The following DLGAP2 variants were observed in gnomAD, a reference collection of about 807,000 sequenced individuals.
The protein encoded by DLGAP2 is disks large-associated protein 2.
In DLGAP2, 26 loss-of-function variants were observed where a neutral mutation model predicts 100.3. The ratio of observed to expected loss-of-function variants is 0.26; its 90% CI spans 0.19 to 0.36. The LOEUF is 0.36. DLGAP2 is among the 10% of genes least tolerant of loss of function. DLGAP2 has a pLI of 1.00. For synonymous variants in DLGAP2, 886 were observed against 630.1 expected, an observed-to-expected ratio of 1.41 and a Z score of -6.08; for missense variants, 1,858 against 1,453.2, an observed-to-expected ratio of 1.28 and a Z score of -4.53.
At position 850,220 on chromosome 8, in the gene DLGAP2, C is replaced by G. The variant is rs1057395076; in HGVS notation, c.19-57692C>G. Among the ~76,000 whole-genome samples, 5 of 152,198 alleles carry G rather than the reference C, an allele frequency of 3.3e-5. No individual in the cohort carries two copies. In the East Asian group the frequency reaches 5.8e-4, roughly 18 times the overall value. ...TCATTTTCTTAACAGTGTGTCAAAA[C>G]AGTGTTTTGAATAATAGAATATTTT... On this transcript the variant is annotated intron_variant, in intron 1 of 14. Transcript: ENST00000637795.
At chr8:1,102,213 TATA>T in intron 2 of DLGAP2, among the ~76,000 whole-genome samples, 2 of 148,122 alleles carry the variant, frequency 1.4e-5, no homozygotes, top group East Asian at 3.9e-4. Context: ...ATTGAATATA[TATA>T]ATGAATATAG....
At chr8:1,244,042 C>G (rs1254693052) in intron 2 of DLGAP2, among the ~76,000 whole-genome samples, 1 of 152,002 alleles carries the variant, frequency 6.6e-6, no homozygotes, top group Non-Finnish European at 1.5e-5. Context: ...AGTGCCAGCT[C>G]CCAGCCTCCG....
At chr8:744,541 G>A (rs984442970) in intron 1 of DLGAP2, among the ~76,000 whole-genome samples, 1 of 151,142 alleles carries the variant, frequency 6.6e-6, no homozygotes, top group Non-Finnish European at 1.5e-5. Context: ...GTCACTCCCT[G>A]CCTCTTCTCC....
In DLGAP2 at chr8:1,703,684, A is replaced by T. The variant is rs1283056808; in HGVS notation, c.*2278A>T. The T allele has an allele frequency of 6.6e-6, 1 of 152,238 alleles. No homozygotes were observed. Among genetic ancestry groups the T allele is most frequent in the Admixed American group, 6.5e-5 (1 of 15,286 alleles). 9.4% of individuals were successfully genotyped at this position (152,238 alleles called of 1,614,324 possible). Reference sequence around the variant, plus strand: ...ACAAAACATAGAAAAGCAAACTGTTAAAGTAGTCAATAATTATTTGTCTCA... The same window carrying T: ...ACAAAACATAGAAAAGCAAACTGTTTAAGTAGTCAATAATTATTTGTCTCA... On this transcript the variant is annotated 3_prime_UTR_variant, in exon 15 of 15. Transcript: ENST00000637795.
intron 1 of DLGAP2, among the ~76,000 whole-genome samples, chr8:798,926 C>G (rs4075376): frequency 6.6e-6 from 1 of 152,136 alleles, no homozygotes; most frequent in Non-Finnish European, 1.5e-5. Context: ...TGAAAGTAAA[C>G]GCTTGTTGAG....
chr8:1,287,883 A>ATGTG (rs1312547681), intron 3 of DLGAP2, among the ~76,000 whole-genome samples: 629 of 51,872 alleles, frequency 0.012, 14 homozygotes, highest in African/African-American at 0.044. Context: ...TTGGTTCAGC[A>ATGTG]TGTGTGTGTG....
chr8:1,068,629 C>T (rs960347826), intron 2 of DLGAP2, among the ~76,000 whole-genome samples: 6 of 151,940 alleles, frequency 3.9e-5, no homozygotes, highest in Non-Finnish European at 8.8e-5. Context: ...CGCACAGGAG[C>T]GGGGAGATGA....
chr8:1,021,948 C>A (rs1293111585), intron 2 of DLGAP2, among the ~76,000 whole-genome samples: 1 of 152,130 alleles, frequency 6.6e-6, no homozygotes, highest in Admixed American at 6.5e-5. Context: ...ATGTTAGCGC[C>A]AGTATTAGGA....
chr8:1,279,374 C>T (rs1799769871), intron 3 of DLGAP2, among the ~76,000 whole-genome samples: 1 of 152,116 alleles, frequency 6.6e-6, no homozygotes, highest in Non-Finnish European at 1.5e-5. Flanking sequence ...AATATGTGGG[C>T]ATAAATATGA....
At chr8:1,570,360 C>T (rs1342449925) in intron 6 of DLGAP2, among the ~76,000 whole-genome samples, 1 of 152,254 alleles carries the variant, frequency 6.6e-6, no homozygotes, top group African/African-American at 2.4e-5. Context: ...TACGCACAGC[C>T]CTTTCATAAT....
intron 2 of DLGAP2, among the ~76,000 whole-genome samples, chr8:1,175,680 CT>C (rs1250039248): frequency 6.6e-6 from 1 of 152,128 alleles, no homozygotes; most frequent in African/African-American, 2.4e-5. Context: ...TTTTGTCAAA[CT>C]TTTAGGGGTT....
intron 1 of DLGAP2, among the ~76,000 whole-genome samples, chr8:819,484 C>T (rs1170666412): frequency 6.6e-6 from 1 of 152,128 alleles, no homozygotes; most frequent in Non-Finnish European, 1.5e-5. Context: ...TCCATTTCTT[C>T]TGAAGTCTCT....
intron 1 of DLGAP2, among the ~76,000 whole-genome samples, chr8:851,330 C>G (rs918931593): frequency 3.3e-5 from 5 of 152,170 alleles, no homozygotes; most frequent in Non-Finnish European, 5.9e-5. Context: ...TGTCTCAGGA[C>G]GTAGCCCCAT....
intron 3 of DLGAP2, among the ~76,000 whole-genome samples, chr8:1,483,303 G>A (rs575380561): frequency 4.1e-4 from 62 of 152,216 alleles, no homozygotes; most frequent in Non-Finnish European, 7.6e-4. Flanking sequence ...CCCCACGCGT[G>A]AGGAAGTGAG....
chr8:867,740 G>A (rs945239498), intron 1 of DLGAP2, among the ~76,000 whole-genome samples: 6 of 152,212 alleles, frequency 3.9e-5, no homozygotes, highest in Non-Finnish European at 7.3e-5. Flanking sequence ...GTTTCTCAGT[G>A]CGTAATTCCT....
At chr8:895,150 C>G (rs572649035) in intron 1 of DLGAP2, among the ~76,000 whole-genome samples, 1 of 151,764 alleles carries the variant, frequency 6.6e-6, no homozygotes, top group Non-Finnish European at 1.5e-5. Context: ...TTCAGAACAG[C>G]CAGAAGAGGG....
intron 2 of DLGAP2, among the ~76,000 whole-genome samples, chr8:1,103,106 G>A (rs772811421): frequency 1.3e-5 from 2 of 151,976 alleles, no homozygotes; most frequent in African/African-American, 4.8e-5. Context: ...GAGGTTTTCC[G>A]GGGTCTTTCT....
chr8:944,952 A>T (rs1799283232), intron 2 of DLGAP2, among the ~76,000 whole-genome samples: 1 of 152,168 alleles, frequency 6.6e-6, no homozygotes, highest in Non-Finnish European at 1.5e-5. Flanking sequence ...GGTGGGTGGT[A>T]ACTGATTTTC....
chr8:1,005,119 C>T (rs994707451), intron 2 of DLGAP2, among the ~76,000 whole-genome samples: 5 of 152,178 alleles, frequency 3.3e-5, no homozygotes, highest in Admixed American at 6.5e-5. Context: ...AAGAAAAGAT[C>T]GAAAGTAGTG....
Sources: gnomAD v4.1 joint callset for allele counts (sites outside exome capture counted in the v4.1 genomes callset) on GRCh38, gnomAD v4.1.1 for gene constraint, MANE v1.5 for transcripts, NCBI Gene and HGNC (gene_info 2026-07-23, HGNC 2026-07-21) for gene names.